PARD3B: variants seen among roughly 807,000 people sequenced by gnomAD.
PARD3B encodes partitioning defective 3 homolog B.
A neutral mutation model predicts 130.2 loss-of-function variants in PARD3B; 103 were observed. The observed-to-expected ratio is 0.79, with a 90% CI of 0.67 to 0.93. PARD3B has a LOEUF of 0.93. Ranked by LOEUF, PARD3B falls within the 40% of genes least tolerant of loss-of-function variation. The pLI, the probability that PARD3B is intolerant of heterozygous loss-of-function variation, is 0.00. For synonymous variants in PARD3B, 583 were observed against 553.2 expected, an observed-to-expected ratio of 1.05 and a Z score of -0.76; for missense variants, 1,609 against 1,499.2, an observed-to-expected ratio of 1.07 and a Z score of -1.21.
At chr2:205,444,807 T>C (rs2047849181) in intron 20 of PARD3B, among the ~76,000 whole-genome samples, 2 of 152,154 alleles carry the variant, frequency 1.3e-5, no homozygotes, top group South Asian at 2.1e-4. Flanking sequence ...AAGACAAAGA[T>C]GTTTAGCAGA....
chr2:205,570,716 A>G (rs1337877119), intron 22 of PARD3B, among the ~76,000 whole-genome samples: 1 of 152,186 alleles, frequency 6.6e-6, no homozygotes, highest in Non-Finnish European at 1.5e-5. Context: ...AACCTGGTTA[A>G]GCTTTAGAGA....
intron 2 of PARD3B, among the ~76,000 whole-genome samples, chr2:204,854,626 T>C (rs903848128): frequency 1.3e-5 from 2 of 152,148 alleles, no homozygotes; most frequent in Admixed American, 6.5e-5. Context: ...GCTGAGCACA[T>C]AGCAGATACT....
At chr2:205,174,799 C>T (rs148245160) in intron 12 of PARD3B, among the ~76,000 whole-genome samples, 421 of 152,166 alleles carry the variant, frequency 2.8e-3, no homozygotes, top group African/African-American at 9.6e-3. Context: ...CCCGCATTAC[C>T]CAGATGTACA....
chr2:205,006,855 G>A (rs773554387), intron 3 of PARD3B, among the ~76,000 whole-genome samples: 5 of 151,974 alleles, frequency 3.3e-5, no homozygotes, highest in East Asian at 3.8e-4. Flanking sequence ...TGTTACATTC[G>A]CTTTTGGGAT....
chr2:205,301,312 T>G lies in PARD3B; in HGVS notation c.2393-152T>G. On this transcript the variant is annotated intron_variant, in intron 17 of 22. Transcript: ENST00000406610. This position sits in a 1 kb window ranked among gnomAD's most constrained non-coding sequence, Gnocchi z 5.2. ...GCTCGAAGTAACCAGATTTAGGCAG[T>G]CAGATCTTCAAAGGGCGCACGTAAC... 1 of 1,337,316 alleles carries G rather than the reference T, an allele frequency of 7.5e-7. No individual in the cohort carries two copies. Among genetic ancestry groups the G allele is most frequent in the Non-Finnish European group, 1.0e-6 (1 of 995,726 alleles). 82.8% of individuals were successfully genotyped at this position (1,337,316 alleles called of 1,614,324 possible). A position where few individuals can be genotyped will look rare whatever the true frequency, so the allele number is the denominator to read the frequency against.
rs1230566783 is a variant in PARD3B, at chr2:205,564,665, GC to G, written c.3260+11263del. Among the ~76,000 whole-genome samples the G allele has an allele frequency of 6.6e-6, 1 of 152,168 alleles. No homozygotes were observed. Among genetic ancestry groups the G allele is most frequent in the Non-Finnish European group, 1.5e-5 (1 of 68,026 alleles). On this transcript the variant is annotated intron_variant, in intron 22 of 22. Transcript: ENST00000406610. The surrounding 1 kb of genome is among the most constrained non-coding windows in gnomAD (Gnocchi z 4.6). ...TGCTGCTTCAAGTCCAGAGAAGAGAGCTTTGGCAGTCAGTTACTATGGTGGT... is the reference window on the plus strand; with the variant it reads ...TGCTGCTTCAAGTCCAGAGAAGAGAGTTTGGCAGTCAGTTACTATGGTGGT...
At chr2:205,488,463 G>A (rs527697613) in intron 20 of PARD3B, among the ~76,000 whole-genome samples, 1 of 152,250 alleles carries the variant, frequency 6.6e-6, no homozygotes, top group South Asian at 2.1e-4. Flanking sequence ...ATAGGCCATG[G>A]ACTGGTACCA....
In PARD3B at chr2:204,866,391, T is replaced by C. The variant is rs144310581; in HGVS notation, c.223-98761T>C. On this transcript the variant is annotated intron_variant, in intron 2 of 22. Transcript: ENST00000406610. The stretch of plus-strand genomic sequence containing the variant: ...TAGGGATTGGTACATAGTTAGTACT[T>C]AATATATGTGAGCTGTCTTCTCTCC... Among the ~76,000 whole-genome samples, 578 of 152,270 alleles carry C rather than the reference T, an allele frequency of 3.8e-3. 6 individuals carry two copies. Among genetic ancestry groups the C allele is most frequent in the African/African-American group, 0.013 (556 of 41,562 alleles).
intron 1 of PARD3B, among the ~76,000 whole-genome samples, chr2:204,567,150 G>A (rs970731793): frequency 6.6e-6 from 1 of 152,160 alleles, no homozygotes; most frequent in Non-Finnish European, 1.5e-5. Flanking sequence ...AAAGTGCTGG[G>A]ATTACAGGCT....
chr2:204,940,770 T>G (rs1323574002), intron 2 of PARD3B, among the ~76,000 whole-genome samples: 1 of 152,112 alleles, frequency 6.6e-6, no homozygotes, highest in Non-Finnish European at 1.5e-5. Context: ...CTAGTTGACA[T>G]TCCAATGACA....
intron 2 of PARD3B, among the ~76,000 whole-genome samples, chr2:204,856,201 C>T (rs1229530160): frequency 1.3e-5 from 2 of 152,140 alleles, no homozygotes; most frequent in East Asian, 3.9e-4. Flanking sequence ...CATATCTTCA[C>T]CAATATTTAT....
chr2:205,306,761 C>A (rs1360561279), intron 18 of PARD3B, among the ~76,000 whole-genome samples: 1 of 152,178 alleles, frequency 6.6e-6, no homozygotes, highest in Non-Finnish European at 1.5e-5. Flanking sequence ...CCTTTTGCAT[C>A]TGAGTTTGTG....
At chr2:205,409,768 C>A (rs1484116049) in intron 19 of PARD3B, among the ~76,000 whole-genome samples, 2 of 151,946 alleles carry the variant, frequency 1.3e-5, no homozygotes, top group Non-Finnish European at 2.9e-5. Context: ...ATTCATGTAC[C>A]CTGGAGTGAT....
intron 2 of PARD3B, among the ~76,000 whole-genome samples, chr2:204,746,371 C>T (rs1198957313): frequency 6.6e-6 from 1 of 151,854 alleles, no homozygotes; most frequent in African/African-American, 2.4e-5. Context: ...TTTCTTAATC[C>T]AGTCTATCAC....
At chr2:205,056,013 T>A (rs1699608271) in intron 4 of PARD3B, among the ~76,000 whole-genome samples, 1 of 152,100 alleles carries the variant, frequency 6.6e-6, no homozygotes, top group Admixed American at 6.6e-5. Context: ...GGGTATGGGT[T>A]GTGTCTTCCA....
In PARD3B at chr2:205,553,336, G is replaced by A. The variant is rs758040142; in HGVS notation, c.3193G>A (p.Gly1065Ser). Residue 1065 changes from glycine (G) to serine (S), a missense_variant, in exon 22 of 23, where the codon GGT becomes AGT. Physicochemically the swap from Gly to Ser is moderately conservative, Grantham distance 56 (BLOSUM62 0). Coordinates refer to ENST00000406610, the MANE Select transcript of PARD3B (RefSeq NM_001302769.2). ...TTTCTCTCCACAGGTGCCTGGAAGG[G>A]GTCCAGATGGGAATGCACACAACCT... ...EYDLLWVPGRGPDGNAHNLRF... is the reference protein window; with the variant it reads ...EYDLLWVPGRSPDGNAHNLRF... 11 of 1,613,788 alleles carry A rather than the reference G, an allele frequency of 6.8e-6. No homozygotes were observed. In the African/African-American group the frequency reaches 1.2e-4, roughly 18 times the overall value.
chr2:205,103,418 A>G (rs1702965175), intron 4 of PARD3B, among the ~76,000 whole-genome samples: 2 of 148,906 alleles, frequency 1.3e-5, no homozygotes, highest in South Asian at 2.1e-4. Context: ...ATTTATAGAT[A>G]TATTTATCTG....
rs578116534 is a variant in PARD3B at position 205,380,089 on chromosome 2, T to C, written c.2631-20924T>C. Among the ~76,000 whole-genome samples the C allele has an allele frequency of 3.6e-3, 481 of 134,244 alleles. 3 individuals are homozygous for C. Among genetic ancestry groups the C allele is most frequent in the African/African-American group, 0.012 (444 of 36,196 alleles). 88.1% of individuals were successfully genotyped at this position (134,244 alleles called of 152,430 possible). A position where few individuals can be genotyped will look rare whatever the true frequency, so the allele number is the denominator to read the frequency against. On this transcript the variant is annotated intron_variant, in intron 18 of 22. Coordinates refer to ENST00000406610, the MANE Select transcript of PARD3B (RefSeq NM_001302769.2). Reference sequence around the variant, plus strand: ...CCTCAAAAAAAAAAAAAAATATGTATATATATGTTAAAAATATATATTATA... The same window carrying C: ...CCTCAAAAAAAAAAAAAAATATGTACATATATGTTAAAAATATATATTATA...
chr2:205,484,108 C>T (rs557224452), intron 20 of PARD3B, among the ~76,000 whole-genome samples: 3 of 152,200 alleles, frequency 2.0e-5, no homozygotes, highest in South Asian at 4.1e-4. Context: ...TAGCAGAATT[C>T]GGGAAACAAG....
Sources: allele counts gnomAD v4.1 joint callset (sites outside exome capture counted in the v4.1 genomes callset), GRCh38; gene constraint gnomAD v4.1.1; non-coding constraint Gnocchi (gnomAD v3.1); transcripts MANE v1.5; gene names NCBI Gene and HGNC (gene_info 2026-07-23, HGNC 2026-07-21).